Variants in TBC1D22A observed in about 807,000 individuals in gnomAD.
TBC1D22A encodes the protein TBC1 domain family member 22A.
Under a neutral mutation model 60.2 loss-of-function variants are expected in TBC1D22A, and 38 were observed. The observed-to-expected ratio is 0.63, with a 90% confidence interval of 0.49 to 0.83. The LOEUF (loss-of-function observed/expected upper bound fraction) is 0.83, where lower values mean the gene tolerates loss of function less well. TBC1D22A is among the 40% of genes least tolerant of loss of function. TBC1D22A has a pLI of 0.00. For synonymous variants in TBC1D22A, 302 were observed against 281.7 expected, an observed-to-expected ratio of 1.07 and a Z score of -0.72; for missense variants, 628 against 701.0, an observed-to-expected ratio of 0.90 and a Z score of 1.18.
chr22:46,951,102 C>T lies in TBC1D22A; in HGVS notation c.1016-23188C>T, dbSNP rs959969012. 5.9e-5 allele frequency among the ~76,000 whole-genome samples: 9 copies of T among 152,168 alleles called. No individual in the cohort carries two copies. In the East Asian group the frequency reaches 1.7e-3, roughly 29 times the overall value. Reference sequence around the variant, plus strand: ...GTACGTGGCATTGGGCCTACCTAACCTTTGCTTCTTTGCCGTAGACTCTCC... The same window carrying T: ...GTACGTGGCATTGGGCCTACCTAACTTTTGCTTCTTTGCCGTAGACTCTCC... On this transcript the variant is annotated intron_variant, in intron 8 of 12. Transcript: ENST00000337137.
chr22:47,070,298 G>A (rs1217997784), intron 11 of TBC1D22A, among the ~76,000 whole-genome samples: 3 of 148,582 alleles, frequency 2.0e-5, no homozygotes, highest in Non-Finnish European at 4.4e-5. Flanking sequence ...TGGTTGGAGC[G>A]GAGCTGACTT....
At chr22:47,121,366 A>G (rs541605218) in intron 12 of TBC1D22A, among the ~76,000 whole-genome samples, 1 of 152,210 alleles carries the variant, frequency 6.6e-6, no homozygotes, top group Non-Finnish European at 1.5e-5. Flanking sequence ...CTCCTTGTTT[A>G]TAATTATGGA....
At chr22:46,989,760 C>T (rs2074864471) in intron 9 of TBC1D22A, among the ~76,000 whole-genome samples, 1 of 48,346 alleles carries the variant, frequency 2.1e-5, no homozygotes, top group South Asian at 4.6e-4. Context: ...GTGACAGAGT[C>T]ACACACACAC....
intron 8 of TBC1D22A, among the ~76,000 whole-genome samples, chr22:46,945,493 C>A (rs2072478625): frequency 1.3e-5 from 2 of 152,308 alleles, no homozygotes; most frequent in South Asian, 4.1e-4. Context: ...ATAACTTGAT[C>A]AAGGTCTCAG....
chr22:46,958,416 C>A (rs990975058), intron 8 of TBC1D22A, among the ~76,000 whole-genome samples: 4 of 152,154 alleles, frequency 2.6e-5, no homozygotes, highest in African/African-American at 9.7e-5. Flanking sequence ...AACCATCAGT[C>A]GTTACATTGG....
At chr22:47,163,943 T>C (rs995292168) in intron 12 of TBC1D22A, among the ~76,000 whole-genome samples, 1 of 152,238 alleles carries the variant, frequency 6.6e-6, no homozygotes, top group Non-Finnish European at 1.5e-5. Context: ...GAGCAGCCCA[T>C]GGCCACCTTG....
chr22:46,909,610 C>T (rs531696761), intron 7 of TBC1D22A, among the ~76,000 whole-genome samples: 3 of 152,174 alleles, frequency 2.0e-5, no homozygotes, highest in East Asian at 1.9e-4. Context: ...GGCCAGCTTC[C>T]GTGGAGTCAC....
intron 12 of TBC1D22A, among the ~76,000 whole-genome samples, chr22:47,135,889 C>T (rs564735176): frequency 6.6e-6 from 1 of 152,012 alleles, no homozygotes; most frequent in South Asian, 2.1e-4. Flanking sequence ...GTTCATTCGC[C>T]CAGCGCTTGT....
At chr22:46,904,124 TA>T (rs2069229860) in intron 7 of TBC1D22A, among the ~76,000 whole-genome samples, 9 of 93,926 alleles carry the variant, frequency 9.6e-5, no homozygotes, top group African/African-American at 3.9e-4. Context: ...TCTATCTATC[TA>T]TCTATCTATC....
intron 1 of TBC1D22A, among the ~76,000 whole-genome samples, chr22:46,788,598 C>T (rs576397991): frequency 6.6e-6 from 1 of 152,310 alleles, no homozygotes; most frequent in East Asian, 1.9e-4. Context: ...GTTCATGCCA[C>T]AGGGCGTCTG....
chr22:47,082,073 G>A (rs1352974663), intron 11 of TBC1D22A, among the ~76,000 whole-genome samples: 6 of 152,070 alleles, frequency 3.9e-5, no homozygotes, highest in South Asian at 4.1e-4. Flanking sequence ...CAGAAGAATC[G>A]CTTGAACCCA....
At chr22:47,092,791 T>C (rs2147626507) in intron 11 of TBC1D22A, among the ~76,000 whole-genome samples, 1 of 152,348 alleles carries the variant, frequency 6.6e-6, no homozygotes, top group South Asian at 2.1e-4. Context: ...CATTTCTTGC[T>C]TCAAAGAAAA....
chr22:47,063,305 C>T (rs1413944458), intron 11 of TBC1D22A, among the ~76,000 whole-genome samples: 1 of 152,104 alleles, frequency 6.6e-6, no homozygotes, highest in Admixed American at 6.5e-5. Context: ...TAGTGGCTGT[C>T]ACTAAGGGCC....
In TBC1D22A at chr22:46,864,599, C is replaced by G. The variant is rs547294487; in HGVS notation, c.638-14054C>G. Among the ~76,000 whole-genome samples the G allele has an allele frequency of 2.6e-5, 4 of 152,318 alleles. No homozygotes were observed. In the South Asian group the frequency reaches 8.3e-4, roughly 32 times the overall value. Reference sequence around the variant, plus strand: ...TCAGTAGATAAACGATAACAATCATCTTTTGGATTGGTGGTTTTCTCTTGC... The same window carrying G: ...TCAGTAGATAAACGATAACAATCATGTTTTGGATTGGTGGTTTTCTCTTGC... On this transcript the variant is annotated intron_variant, in intron 4 of 12. Coordinates refer to ENST00000337137, the MANE Select transcript of TBC1D22A (RefSeq NM_014346.5).
At chr22:47,118,174 A>G (rs1401586942) in intron 12 of TBC1D22A, among the ~76,000 whole-genome samples, 1 of 152,204 alleles carries the variant, frequency 6.6e-6, no homozygotes, top group Non-Finnish European at 1.5e-5. Context: ...TGGCATAAAA[A>G]AGGAGTGGTT....
intron 7 of TBC1D22A, among the ~76,000 whole-genome samples, chr22:46,907,577 G>A (rs1288262563): frequency 6.6e-6 from 1 of 152,132 alleles, no homozygotes; most frequent in African/African-American, 2.4e-5. Flanking sequence ...GAGCAGCTGC[G>A]CCATCCTCGC....
intron 11 of TBC1D22A, among the ~76,000 whole-genome samples, chr22:47,104,268 A>G (rs1260269508): frequency 6.6e-6 from 1 of 152,090 alleles, no homozygotes; most frequent in African/African-American, 2.4e-5. Flanking sequence ...AGATCATGCA[A>G]CTGCACTCCA....
At chr22:47,102,736 C>T (rs892440707) in intron 11 of TBC1D22A, among the ~76,000 whole-genome samples, 27 of 152,078 alleles carry the variant, frequency 1.8e-4, no homozygotes, top group African/African-American at 6.0e-4. Context: ...ATTTACAGTC[C>T]AGCCTTACTA....
chr22:46,977,283 A>G (rs550400088), intron 9 of TBC1D22A, among the ~76,000 whole-genome samples: 14 of 152,190 alleles, frequency 9.2e-5, no homozygotes, highest in South Asian at 6.2e-4. Flanking sequence ...TGGAGCCTCA[A>G]TTTGAGATTC....
Sources: gnomAD v4.1 joint callset for allele counts (sites outside exome capture counted in the v4.1 genomes callset) on GRCh38, gnomAD v4.1.1 for gene constraint, MANE v1.5 for transcripts, NCBI Gene and HGNC (gene_info 2026-07-23, HGNC 2026-07-21) for gene names.